Variants in LPIN3 observed in about 807,000 individuals in gnomAD.
The protein encoded by LPIN3 is phosphatidate phosphatase LPIN3.
A neutral mutation model predicts 94.7 loss-of-function variants in LPIN3; 82 were observed. That is an observed-to-expected ratio of 0.87 (90% CI 0.72 to 1.04). LPIN3 has a LOEUF of 1.04. Among genes scored for constraint, LPIN3 ranks in the 50% least tolerant of loss-of-function variants. The pLI is 0.00. For synonymous variants in LPIN3, 418 were observed against 443.3 expected (o/e 0.94, Z 0.72); for missense variants, 996 against 1,090.5 (o/e 0.91, Z 1.22).
At chr20:41,347,984 G>T (rs1192709017) in intron 3 of LPIN3, among the ~76,000 whole-genome samples, 1 of 152,210 alleles carries the variant, frequency 6.6e-6, no homozygotes, top group Admixed American at 6.5e-5. Context: ...AAAGGGGCTG[G>T]GAAGTATAAC....
In LPIN3 at chr20:41,351,772, A is replaced by C. The variant is rs1263828671; in HGVS notation, c.1103-49A>C. 1.9e-6 allele frequency: 3 copies of C among 1,563,306 alleles called. 1 individual carries two copies. In the South Asian group the frequency reaches 3.4e-5, roughly 17 times the overall value. ...GAGTCAGAGGGCACTTACTGTCCACACTGCTGAGCACATGTCAGCTCTACA... is the reference window on the plus strand; with the variant it reads ...GAGTCAGAGGGCACTTACTGTCCACCCTGCTGAGCACATGTCAGCTCTACA... On this transcript the variant is annotated intron_variant, in intron 7 of 19. Transcript: ENST00000373257.
At chr20:41,352,969 G>A in intron 11 of LPIN3, 102 bp downstream of exon 11, 1 of 1,300,058 alleles carries the variant, frequency 7.7e-7, no homozygotes, top group Non-Finnish European at 1.1e-6. Flanking sequence ...AGATGGGCCT[G>A]GGAGCCAGGG....
chr20:41,348,173 G>A (rs185377834), intron 3 of LPIN3, among the ~76,000 whole-genome samples: 2 of 152,298 alleles, frequency 1.3e-5, no homozygotes, highest in East Asian at 3.9e-4. Context: ...AGACTCAGAT[G>A]ACGGGTGACC....
intron 16 of LPIN3, 49 bp from the exon 17 acceptor site, chr20:41,357,833 G>A: frequency 6.2e-7 from 1 of 1,609,672 alleles, no homozygotes; most frequent in Non-Finnish European, 8.5e-7. Context: ...AACAGATGGG[G>A]GCTGGCTGGT....
At chr20:41,350,822 G>A (rs145912078) in intron 7 of LPIN3, among the ~76,000 whole-genome samples, 19 of 152,336 alleles carry the variant, frequency 1.2e-4, no homozygotes, top group African/African-American at 4.6e-4. Flanking sequence ...AGACGGCCGG[G>A]ATAGGAAGTT....
At chr20:41,357,253 G>A in intron 15 of LPIN3, 65 bp downstream of exon 15, 1 of 1,606,824 alleles carries the variant, frequency 6.2e-7, no homozygotes, top group Non-Finnish European at 8.5e-7. Context: ...CCTCTGTGCT[G>A]GGTGTGGTGG....
Position 41,357,131 on chromosome 20 carries a change from A to C in LPIN3, c.1895A>C (p.Tyr632Ser), listed in dbSNP as rs1439635791. 1 of 1,613,968 alleles carries C rather than the reference A, an allele frequency of 6.2e-7. No homozygotes were observed. Among genetic ancestry groups the C allele is most frequent in the African/African-American group, 1.3e-5 (1 of 74,992 alleles). ...ACCTGCCGCTGCAAGGCCACCATCTACCTGTGGAAATGGGACGACAAGGTG... is the reference window on the plus strand; with the variant it reads ...ACCTGCCGCTGCAAGGCCACCATCTCCCTGTGGAAATGGGACGACAAGGTG... ...QGTCRCKATI[Y>S]LWKWDDKVVI... The change falls in exon 15 of 20, where the codon TAC (tyrosine) becomes TCC (serine). Residue 632 changes from tyrosine (Y) to serine (S), a missense_variant. Physicochemically the swap from Tyr to Ser is moderately radical, Grantham distance 144 (BLOSUM62 -2). Transcript: ENST00000373257.
rs187105573 is a variant in LPIN3, at chr20:41,350,075, C to T, written c.780C>T (p.Pro260=). The change falls in exon 7 of 20, where the codon CCC becomes CCT. Residue 260 remains proline (P), a synonymous_variant. Coordinates refer to ENST00000373257, the MANE Select transcript of LPIN3 (RefSeq NM_022896.3). ...TAAAGGTGGCCAGAGCTGAGCGGCCCGAGTCCTCAGTGGTCCTTGAAGGCA... is the reference window on the plus strand; with the variant it reads ...TAAAGGTGGCCAGAGCTGAGCGGCCTGAGTCCTCAGTGGTCCTTGAAGGCA... ...RLPKVARAER[P]ESSVVLEGRA... The T allele has an allele frequency of 1.2e-5, 20 of 1,603,006 alleles. No individual in the cohort carries two copies. The East Asian group carries it at 2.7e-4, about 22-fold the overall frequency.
Position 41,345,799 on chromosome 20 carries a change from C to T in LPIN3, c.-5C>T. The T allele has an allele frequency of 6.2e-7, 1 of 1,604,624 alleles. No homozygotes were observed. The highest frequency in any genetic ancestry group is 8.5e-7 in the Non-Finnish European group (1 of 1,172,908). ...AGCCACTGCCTTTCTTTGCCAGCAC[C>T]AGCCATGAACTACGTGGGGCAGCTG... On this transcript the variant is annotated 5_prime_UTR_variant, in exon 2 of 20. Coordinates refer to ENST00000373257, the MANE Select transcript of LPIN3 (RefSeq NM_022896.3).
chr20:41,346,038 T>A, intron 2 of LPIN3, 43 bp downstream of exon 2: 1 of 1,583,424 alleles, frequency 6.3e-7, no homozygotes. Context: ...CAGAGTGGGC[T>A]TTTTAAGCTG....
chr20:41,356,641 G>T (rs191958141), intron 14 of LPIN3, among the ~76,000 whole-genome samples: 1 of 152,240 alleles, frequency 6.6e-6, no homozygotes, highest in East Asian at 1.9e-4. Context: ...CAGGTACCCT[G>T]GCCCCAAGGA....
rs767500365 is a variant in LPIN3, at chr20:41,345,923, C to T, written c.120C>T (p.Asp40=). 1.9e-5 allele frequency: 31 copies of T among 1,614,044 alleles called. No homozygotes were observed. The highest frequency in any genetic ancestry group is 8.3e-5 in the Admixed American group (5 of 60,010). ...ACGTGCTGGTGGTGAAGCAGGTGGA[C>T]GGCTCGTTCCGGTGCTCACCCTTCC... ...GIDVLVVKQV[D]GSFRCSPFHV... Residue 40 remains aspartate (D), a synonymous_variant, in exon 2 of 20, where the codon GAC becomes GAT. Transcript: ENST00000373257.
chr20:41,357,743 CCG>C, intron 16 of LPIN3, 137 bp from the exon 17 acceptor site: 1 of 1,154,668 alleles, frequency 8.7e-7, no homozygotes, highest in Non-Finnish European at 1.2e-6. Context: ...CACTGCCTGG[CCG>C]TTCTCTTCAA....
chr20:41,354,997 C>A lies in LPIN3; in HGVS notation c.1664+134C>A, dbSNP rs141249436. On this transcript the variant is annotated intron_variant, in intron 13 of 19. Transcript: ENST00000373257. ...TTTTTTTTTGTCATTCCTCAAGCAC[C>A]AAGCACTTCTTTTTTTGTTGTTTTT... 1,348 of 800,120 alleles carry A rather than the reference C, an allele frequency of 1.7e-3. 11 individuals carry two copies. The highest frequency in any genetic ancestry group is 0.016 in the African/African-American group (939 of 57,144). The allele number at this position is 800,120 out of a possible 1,614,324, so 49.6% of individuals were successfully genotyped here.
At position 41,354,881 on chromosome 20, in the gene LPIN3, T is replaced by C. The variant is rs200049672; in HGVS notation, c.1664+18T>C. 3.0e-4 allele frequency: 462 copies of C among 1,551,902 alleles called. 4 individuals carry two copies. In the East Asian group the frequency reaches 9.6e-3, roughly 32 times the overall value. ...CAGCAGGGGTGAGTGAGACCCCCTA[T>C]TGGGGCTCTGCAGGGGGAGCCTGGG... On this transcript the variant is annotated intron_variant, in intron 13 of 19. Transcript: ENST00000373257.
chr20:41,357,223 A>C (rs2046240429), intron 15 of LPIN3, 35 bp downstream of exon 15: 1 of 1,612,304 alleles, frequency 6.2e-7, no homozygotes, highest in Non-Finnish European at 8.5e-7. Flanking sequence ...GGGGAGGGAG[A>C]GGGGTTGTGG....
chr20:41,350,665 A>T (rs760186287), intron 7 of LPIN3, among the ~76,000 whole-genome samples: 11 of 152,048 alleles, frequency 7.2e-5, no homozygotes, highest in Non-Finnish European at 1.6e-4. Context: ...TGGAGCTAAG[A>T]CATGGATAAT....
Position 41,348,831 on chromosome 20 carries a change from G to A in LPIN3, c.501G>A (p.Glu167=). ...VATDSSPEEL[E]AGAESELSLP... The stretch of plus-strand genomic sequence containing the variant: ...CTGATTCTAGTCCAGAGGAACTGGA[G>A]GCAGGCGCTGAGAGTGAGCTATCCC... The change falls in exon 4 of 20, where the codon GAG becomes GAA. Residue 167 remains glutamate (E), a synonymous_variant. Coordinates refer to ENST00000373257, the MANE Select transcript of LPIN3 (RefSeq NM_022896.3). 1 of 1,610,574 alleles carries A rather than the reference G, an allele frequency of 6.2e-7. No individual in the cohort carries two copies. Among genetic ancestry groups the A allele is most frequent in the African/African-American group, 1.3e-5 (1 of 74,980 alleles).
In LPIN3 at chr20:41,355,968, G is replaced by GCCACCCTCCACT; in HGVS notation, c.1752_1763dup (p.Pro585_Pro588dup). On this transcript the variant is annotated inframe_insertion, in exon 14 of 20. Transcript: ENST00000373257. Reference sequence around the variant, plus strand: ...CTGTGATCCTGGAGATCCCCTCCTTGCCACCCTCCACTCCACCCTCCACTC... The same window carrying GCCACCCTCCACT: ...CTGTGATCCTGGAGATCCCCTCCTTGCCACCCTCCACTCCACCCTCCACTCCACCCTCCACTC... 1.2e-6 allele frequency: 2 copies of GCCACCCTCCACT among 1,614,028 alleles called. No individual in the cohort carries two copies. Among genetic ancestry groups the GCCACCCTCCACT allele is most frequent in the Non-Finnish European group, 1.7e-6 (2 of 1,179,972 alleles).
Sources: allele counts gnomAD v4.1 joint callset (sites outside exome capture counted in the v4.1 genomes callset), GRCh38; gene constraint gnomAD v4.1.1; transcripts MANE v1.5; gene names NCBI Gene and HGNC (gene_info 2026-07-23, HGNC 2026-07-21).